TGFBRAP1: variants seen among roughly 807,000 people sequenced by gnomAD.
TGFBRAP1 encodes the protein transforming growth factor-beta receptor-associated protein 1.
Under a neutral mutation model 83.2 loss-of-function variants are expected in TGFBRAP1, and 20 were observed. The observed-to-expected ratio is 0.24, with a 90% CI of 0.17 to 0.35. TGFBRAP1 has a LOEUF of 0.35. Among genes scored for constraint, TGFBRAP1 ranks in the 10% least tolerant of loss-of-function variants. The pLI, the probability that TGFBRAP1 is intolerant of heterozygous loss-of-function variation, is 1.00. For synonymous variants in TGFBRAP1, 415 were observed against 459.8 expected (o/e 0.90, Z 1.25); for missense variants, 950 against 1,099.4 (o/e 0.86, Z 1.92).
intron 4 of TGFBRAP1, among the ~76,000 whole-genome samples, chr2:105,293,955 G>GA (rs1345796973): frequency 2.0e-5 from 3 of 152,194 alleles, no homozygotes; most frequent in African/African-American, 7.2e-5. Flanking sequence ...CTGCCCAGAG[G>GA]AAAGGGAAGG....
At chr2:105,289,198 A>G (rs1677819889) in intron 4 of TGFBRAP1, among the ~76,000 whole-genome samples, 1 of 145,754 alleles carries the variant, frequency 6.9e-6, no homozygotes, top group Non-Finnish European at 1.5e-5. Context: ...AAAATTTACA[A>G]AAAAAAAAGT....
chr2:105,316,173 G>A (rs868538591), intron 1 of TGFBRAP1, among the ~76,000 whole-genome samples: 34 of 152,156 alleles, frequency 2.2e-4, no homozygotes, highest in African/African-American at 5.3e-4. Context: ...TACTTTGGAA[G>A]GAACTAGATG....
At chr2:105,275,724 A>AAAAAAG in intron 7 of TGFBRAP1, 21 bp from the exon 8 acceptor site, 1 of 1,587,112 alleles carries the variant, frequency 6.3e-7, no homozygotes, top group South Asian at 1.2e-5. Flanking sequence ...ATCAAAAAGA[A>AAAAAAG]AAAAAGAAAA....
intron 1 of TGFBRAP1, among the ~76,000 whole-genome samples, chr2:105,328,935 C>T (rs912750359): frequency 4.6e-5 from 7 of 152,090 alleles, no homozygotes; most frequent in African/African-American, 1.7e-4. Context: ...GGGAGGCAGG[C>T]GGACTAACTT....
In TGFBRAP1 at chr2:105,273,671, G is replaced by A. The variant is rs1223630766; in HGVS notation, c.1685C>T (p.Thr562Ile). Reference sequence around the variant, plus strand: ...CTGCTGTTCATCCAAAGGTCTCTTGGTGAAAACCTGAACTCCGACCTGAAA... The same window carrying A: ...CTGCTGTTCATCCAAAGGTCTCTTGATGAAAACCTGAACTCCGACCTGAAA... ...KSEEVGVQVF[T>I]KRPLDEQQKN... Residue 562 changes from threonine to isoleucine, a missense_variant, in exon 9 of 12, where the codon ACC becomes ATC. Transcript: ENST00000393359. The A allele has an allele frequency of 6.2e-7, 1 of 1,614,120 alleles. No individual in the cohort carries two copies. The highest frequency in any genetic ancestry group is 1.3e-5 in the African/African-American group (1 of 75,034).
At chr2:105,284,497 A>G in intron 4 of TGFBRAP1, 99 bp from the exon 5 acceptor site, 3 of 1,051,598 alleles carry the variant, frequency 2.9e-6, no homozygotes, top group Non-Finnish European at 4.4e-6. Flanking sequence ...TATAACATAG[A>G]AATGTAAAAT....
rs1232858620 is a variant in TGFBRAP1 at position 105,266,424 on chromosome 2, G to GA, written c.*958dup. 1 of 152,146 alleles carries GA rather than the reference G, an allele frequency of 6.6e-6. No individual in the cohort carries two copies. The highest frequency in any genetic ancestry group is 1.5e-5 in the Non-Finnish European group (1 of 68,016). 9.4% of individuals were successfully genotyped at this position (152,146 alleles called of 1,614,324 possible). On this transcript the variant is annotated 3_prime_UTR_variant, in exon 12 of 12. Coordinates refer to ENST00000393359, the MANE Select transcript of TGFBRAP1 (RefSeq NM_004257.6). ...TTCAACAGGAGATACATTTTAACAA[G>GA]AAAAAATACCCCTAACAAACAGGAC...
chr2:105,314,940 A>G (rs1314008209), intron 1 of TGFBRAP1, among the ~76,000 whole-genome samples: 2 of 139,256 alleles, frequency 1.4e-5, no homozygotes, highest in Non-Finnish European at 3.1e-5. Flanking sequence ...ACAGAGCGAG[A>G]CTCTGTCTCA....
Position 105,298,634 on chromosome 2 carries a change from C to T in TGFBRAP1, c.760G>A (p.Ala254Thr). The T allele has an allele frequency of 2.5e-6, 4 of 1,613,964 alleles. No individual in the cohort carries two copies. Among genetic ancestry groups the T allele is most frequent in the Non-Finnish European group, 3.4e-6 (4 of 1,179,930 alleles). ...GCTATGACGTATGGAAAGGACACAG[C>T]CGCCCCAATCACATTCTCCGACCAG... is the stretch of plus-strand genomic sequence containing the variant. The part of the protein sequence containing the change: ...VHWSENVIGA[A>T]VSFPYVIALD... The change falls in exon 3 of 12, where the codon GCT becomes ACT. Residue 254 changes from alanine to threonine, a missense_variant. Coordinates refer to ENST00000393359, the MANE Select transcript of TGFBRAP1 (RefSeq NM_004257.6).
intron 6 of TGFBRAP1, among the ~76,000 whole-genome samples, chr2:105,279,863 C>A (rs1677471493): frequency 1.3e-5 from 2 of 151,904 alleles, no homozygotes; most frequent in Non-Finnish European, 2.9e-5. Context: ...CATGGCAAAA[C>A]CCCGTCTCTA....
In TGFBRAP1 at chr2:105,269,743, T is replaced by C. The variant is rs1677085443; in HGVS notation, c.1973-38A>G. 1 of 1,462,406 alleles carries C rather than the reference T, an allele frequency of 6.8e-7. No homozygotes were observed. Among genetic ancestry groups the C allele is most frequent in the African/African-American group, 1.4e-5 (1 of 70,894 alleles). 90.6% of individuals were successfully genotyped at this position (1,462,406 alleles called of 1,614,324 possible). On this transcript the variant is annotated intron_variant, in intron 10 of 11. Coordinates refer to ENST00000393359, the MANE Select transcript of TGFBRAP1 (RefSeq NM_004257.6). This position sits in a 1 kb window ranked among gnomAD's most constrained non-coding sequence, Gnocchi z 4.1. ...ACCTGCAGCTCAGAAAGAAAGGGGC[T>C]CGCCGGCCACCCGCCCAGCGACTGG... is the stretch of plus-strand genomic sequence containing the variant.
At position 105,269,617 on chromosome 2, in the gene TGFBRAP1, C is replaced by T. The variant is rs1312840470; in HGVS notation, c.2061G>A (p.Val687=). 1.2e-6 allele frequency: 2 copies of T among 1,607,292 alleles called. No individual in the cohort carries two copies. The highest frequency in any genetic ancestry group is 1.7e-6 in the Non-Finnish European group (2 of 1,175,824). Residue 687 remains valine (V), a synonymous_variant, in exon 11 of 12, where the codon GTG becomes GTA. Transcript: ENST00000393359. The surrounding 1 kb of genome is among the most constrained non-coding windows in gnomAD (Gnocchi z 4.1). Reference sequence around the variant, plus strand: ...CCGCTGCAAAGTCCTGCAGCTCGTGCACCAGGATATGCAGCGCCTTCTCAT... The same window carrying T: ...CCGCTGCAAAGTCCTGCAGCTCGTGTACCAGGATATGCAGCGCCTTCTCAT... ...GEHEKALHIL[V]HELQDFAAAE... is the part of the protein sequence containing the mutation.
intron 1 of TGFBRAP1, among the ~76,000 whole-genome samples, chr2:105,312,906 G>A (rs1678738596): frequency 6.6e-6 from 1 of 152,234 alleles, no homozygotes; most frequent in Admixed American, 6.5e-5. Context: ...GAGGTCAGGA[G>A]TTCGAGACCA....
intron 1 of TGFBRAP1, among the ~76,000 whole-genome samples, chr2:105,321,358 G>A (rs1175387145): frequency 6.6e-6 from 1 of 151,918 alleles, no homozygotes; most frequent in Non-Finnish European, 1.5e-5. Flanking sequence ...AGTAAAGATG[G>A]GGTTTCACTG....
intron 6 of TGFBRAP1, among the ~76,000 whole-genome samples, chr2:105,278,009 T>C (rs1208392340): frequency 6.6e-6 from 1 of 152,068 alleles, no homozygotes; most frequent in East Asian, 1.9e-4. Flanking sequence ...CAGTGAGCCC[T>C]GATTGTGCCA....
downstream of TGFBRAP1, among the ~76,000 whole-genome samples, chr2:105,262,170 G>A (rs1006632210): frequency 6.6e-6 from 1 of 152,174 alleles, no homozygotes; most frequent in South Asian, 2.1e-4. Flanking sequence ...CGATGCCACT[G>A]ATATGGTTTG....
chr2:105,288,497 G>A (rs1677791859), intron 4 of TGFBRAP1, among the ~76,000 whole-genome samples: 1 of 152,164 alleles, frequency 6.6e-6, no homozygotes, highest in Non-Finnish European at 1.5e-5. Context: ...AGCTACCAAA[G>A]CGCAGAGGAC....
intron 4 of TGFBRAP1, among the ~76,000 whole-genome samples, chr2:105,292,201 C>T (rs1677937954): frequency 6.6e-6 from 1 of 152,184 alleles, no homozygotes; most frequent in African/African-American, 2.4e-5. Flanking sequence ...ACATATTTGT[C>T]CACAGAACTA....
intron 4 of TGFBRAP1, among the ~76,000 whole-genome samples, chr2:105,293,604 G>A (rs1677986274): frequency 6.6e-6 from 1 of 152,168 alleles, no homozygotes; most frequent in Admixed American, 6.5e-5. Flanking sequence ...AACACTCTAA[G>A]ACTAAAAGAA....
Sources: allele counts gnomAD v4.1 joint callset (sites outside exome capture counted in the v4.1 genomes callset), GRCh38; gene constraint gnomAD v4.1.1; non-coding constraint Gnocchi (gnomAD v3.1); transcripts MANE v1.5; gene names NCBI Gene and HGNC (gene_info 2026-07-23, HGNC 2026-07-21).